The following SEPTIN7 variants were observed in gnomAD, a reference collection of about 807,000 sequenced individuals.
SEPTIN7 encodes the protein septin-7.
In SEPTIN7, 10 loss-of-function variants were observed where a neutral mutation model predicts 63.3. The observed-to-expected ratio is 0.16, with a 90% CI of 0.10 to 0.27. The LOEUF (loss-of-function observed/expected upper bound fraction) is 0.27. SEPTIN7 is among the 10% of genes least tolerant of loss of function. The pLI is 1.00. For missense variants in SEPTIN7, 310 were observed against 521.0 expected, an observed-to-expected ratio of 0.59 and a Z score of 3.94; for synonymous variants, 131 against 165.3, an observed-to-expected ratio of 0.79 and a Z score of 1.59.
chr7:35,847,768 C>T (rs1784758104), intron 3 of SEPTIN7: 1 of 152,184 alleles, frequency 6.6e-6, no homozygotes, highest in Non-Finnish European at 1.5e-5. Context: ...ATATAATTCA[C>T]ATAATCATGG....
chr7:35,863,818 G>A (rs1424191625), intron 4 of SEPTIN7, among the ~76,000 whole-genome samples, 160 bp downstream of exon 4: 1 of 150,362 alleles, frequency 6.7e-6, no homozygotes, highest in Non-Finnish European at 1.5e-5. Context: ...AAAAAAAAAA[G>A]TACAGTTCAT....
chr7:35,880,638 A>G (rs1786818963), intron 7 of SEPTIN7, among the ~76,000 whole-genome samples: 1 of 151,672 alleles, frequency 6.6e-6, no homozygotes, highest in Non-Finnish European at 1.5e-5. Context: ...CATTTTCACA[A>G]TATTTTTTCT....
chr7:35,853,384 C>T, intron 3 of SEPTIN7, among the ~76,000 whole-genome samples: 1 of 152,170 alleles, frequency 6.6e-6, no homozygotes, highest in East Asian at 1.9e-4. Context: ...CATGATTGTG[C>T]CTCTCACTTA....
intron 4 of SEPTIN7, among the ~76,000 whole-genome samples, chr7:35,865,958 A>C (rs1408308797): frequency 2.6e-5 from 4 of 152,234 alleles, no homozygotes; most frequent in Admixed American, 6.5e-5. Context: ...TCTGTTGTGA[A>C]TATCTTCCCA....
chr7:35,886,226 G>T (rs1787236283), intron 10 of SEPTIN7, among the ~76,000 whole-genome samples: 1 of 152,180 alleles, frequency 6.6e-6, no homozygotes, highest in South Asian at 2.1e-4. Context: ...GCTAGTTTTT[G>T]AGTCCAAAGC....
At chr7:35,894,870 A>T (rs1357485514) in intron 11 of SEPTIN7, among the ~76,000 whole-genome samples, 1 of 152,172 alleles carries the variant, frequency 6.6e-6, no homozygotes, top group Non-Finnish European at 1.5e-5. Flanking sequence ...GTAGAACTTG[A>T]CTAGGTCATC....
At position 35,814,363 on chromosome 7, in the gene SEPTIN7, C is replaced by T. The variant is rs758695867; in HGVS notation, c.61+13093C>T. On this transcript the variant is annotated intron_variant, in intron 1 of 13. Coordinates refer to ENST00000350320, the MANE Select transcript of SEPTIN7 (RefSeq NM_001788.6). ...TTACTGTAATTTTAATTTGTATTTT[C>T]CTAATGACTAATGATGTTGAGGATC... 2.0e-5 allele frequency among the ~76,000 whole-genome samples: 3 copies of T among 152,072 alleles called. No individual in the cohort carries two copies. In the East Asian group the frequency reaches 5.8e-4, roughly 29 times the overall value.
chr7:35,827,626 G>C (rs1349930435), intron 1 of SEPTIN7, among the ~76,000 whole-genome samples: 1 of 152,068 alleles, frequency 6.6e-6, no homozygotes, highest in African/African-American at 2.4e-5. Context: ...GAGTAGCTGG[G>C]ACTACAGGTG....
Position 35,889,783 on chromosome 7 carries a change from A to G in SEPTIN7, c.873-885A>G, listed in dbSNP as rs549362917. Among the ~76,000 whole-genome samples, 49 of 152,296 alleles carry G rather than the reference A, an allele frequency of 3.2e-4. No homozygotes were observed. The South Asian group carries it at 3.5e-3, about 11-fold the overall frequency. On this transcript the variant is annotated intron_variant, in intron 10 of 13. Transcript: ENST00000350320. ...GGTCTCGAACCCCTGAGCTCAGGCA[A>G]TCTGCCCGCCCCGGCCTCTCAAAGT...
chr7:35,831,033 A>T (rs1453937445), intron 1 of SEPTIN7, among the ~76,000 whole-genome samples: 3 of 152,202 alleles, frequency 2.0e-5, no homozygotes, highest in Admixed American at 6.5e-5. Context: ...TGACAAAGCA[A>T]AATTGCATGA....
chr7:35,834,714 A>C (rs1783996776), intron 3 of SEPTIN7, among the ~76,000 whole-genome samples: 1 of 152,150 alleles, frequency 6.6e-6, no homozygotes, highest in Non-Finnish European at 1.5e-5. Context: ...GTCACTTACT[A>C]AGTATCTAAT....
At chr7:35,895,157 A>G (rs1335555569) in intron 11 of SEPTIN7, among the ~76,000 whole-genome samples, 1 of 152,186 alleles carries the variant, frequency 6.6e-6, no homozygotes, top group Admixed American at 6.5e-5. Flanking sequence ...AGGCAATAAT[A>G]CAACTTAAAT....
chr7:35,883,657 A>G (rs1268934008), intron 8 of SEPTIN7, among the ~76,000 whole-genome samples: 1 of 151,734 alleles, frequency 6.6e-6, no homozygotes, highest in Non-Finnish European at 1.5e-5. Flanking sequence ...ATGCTTGAAT[A>G]TTCTTAACAT....
At chr7:35,872,908 A>C in intron 5 of SEPTIN7, 142 bp downstream of exon 5, 1 of 600,920 alleles carries the variant, frequency 1.7e-6, no homozygotes, top group Non-Finnish European at 3.0e-6. Context: ...TTGTATACCA[A>C]CTTTGCCACT....
intron 3 of SEPTIN7, among the ~76,000 whole-genome samples, chr7:35,857,988 G>A (rs1293450880): frequency 2.0e-5 from 3 of 151,974 alleles, no homozygotes; most frequent in Non-Finnish European, 4.4e-5. Flanking sequence ...TGTCACCCTG[G>A]CTGGAGTGCA....
intron 10 of SEPTIN7, chr7:35,890,373 A>G (rs1237573318): frequency 1.2e-5 from 2 of 170,170 alleles, no homozygotes; most frequent in Admixed American, 1.3e-4. Flanking sequence ...TAGATAATAT[A>G]AAGATGAATA....
intron 1 of SEPTIN7, among the ~76,000 whole-genome samples, chr7:35,802,785 A>G (rs953507514): frequency 6.6e-6 from 1 of 151,748 alleles, no homozygotes; most frequent in African/African-American, 2.4e-5. Flanking sequence ...CTGCAAGGGA[A>G]TGAGTAAGGG....
chr7:35,858,081 A>AC (rs943137586), intron 3 of SEPTIN7, among the ~76,000 whole-genome samples: 2 of 151,906 alleles, frequency 1.3e-5, no homozygotes, highest in Non-Finnish European at 2.9e-5. Flanking sequence ...AGATGGGATT[A>AC]CCAGGCATGT....
In SEPTIN7 at chr7:35,882,547, G is replaced by A. The variant is rs1786953072; in HGVS notation, c.694G>A (p.Glu232Lys). ...CGAATTTCCAGAAACAGATGATGAA[G>A]AAGAAAATAAACTTGTTAAAAAGAT... Reference protein sequence around the residue: ...IYEFPETDDEEENKLVKKIKD... With the variant: ...IYEFPETDDEKENKLVKKIKD... The change falls in exon 8 of 14, where the codon GAA becomes AAA. Residue 232 changes from glutamate to lysine, a missense_variant. Glu to Lys is a moderately conservative substitution (Grantham distance 56). Transcript: ENST00000350320. 1 of 1,487,194 alleles carries A rather than the reference G, an allele frequency of 6.7e-7. No homozygotes were observed. 92.1% of individuals were successfully genotyped at this position (1,487,194 alleles called of 1,614,324 possible).
Sources: allele counts gnomAD v4.1 joint callset (sites outside exome capture counted in the v4.1 genomes callset), GRCh38; gene constraint gnomAD v4.1.1; transcripts MANE v1.5; gene names NCBI Gene and HGNC (gene_info 2026-07-23, HGNC 2026-07-21).